Variants in GPR158 observed in about 807,000 individuals in gnomAD.
GPR158 encodes the protein G protein-coupled receptor 158, also known as metabotropic glycine receptor.
In GPR158, 30 loss-of-function variants were observed where a neutral mutation model predicts 78.2. That is an observed-to-expected ratio of 0.38 (90% confidence interval 0.29 to 0.52). The LOEUF (loss-of-function observed/expected upper bound fraction) is 0.52, where lower values mean the gene tolerates loss of function less well. Ranked by LOEUF, GPR158 falls within the 20% of genes least tolerant of loss-of-function variation. The pLI is 0.83. For synonymous variants in GPR158, 581 were observed against 591.1 expected, an observed-to-expected ratio of 0.98 and a Z score of 0.25; for missense variants, 1,463 against 1,523.5, an observed-to-expected ratio of 0.96 and a Z score of 0.66.
chr10:25,401,802 G>C (rs908972615), intron 3 of GPR158, among the ~76,000 whole-genome samples: 14 of 152,026 alleles, frequency 9.2e-5, no homozygotes, highest in Non-Finnish European at 1.9e-4. Context: ...TTGCATGGTA[G>C]AATTATTTGT....
chr10:25,461,291 C>T (rs1384311999), intron 4 of GPR158, among the ~76,000 whole-genome samples: 1 of 152,036 alleles, frequency 6.6e-6, no homozygotes, highest in African/African-American at 2.4e-5. Context: ...TTTGTAAATG[C>T]AAAGGAAAAA....
chr10:25,269,546 A>C (rs1230485610), intron 2 of GPR158, among the ~76,000 whole-genome samples: 3 of 152,174 alleles, frequency 2.0e-5, no homozygotes, highest in Admixed American at 2.0e-4. Context: ...TTCTAGTTTT[A>C]CTTTCACTAG....
intron 5 of GPR158, among the ~76,000 whole-genome samples, chr10:25,508,697 G>A (rs903112305): frequency 5.9e-5 from 9 of 152,038 alleles, no homozygotes; most frequent in Admixed American, 4.6e-4. Flanking sequence ...AGGTCACCAG[G>A]GTCAATTGGG....
intron 4 of GPR158, among the ~76,000 whole-genome samples, chr10:25,441,996 A>G (rs1835074632): frequency 6.6e-6 from 1 of 152,142 alleles, no homozygotes; most frequent in Non-Finnish European, 1.5e-5. Context: ...GTGAAATTAA[A>G]TTCCTTGAGC....
At chr10:25,452,997 G>A (rs1835241680) in intron 4 of GPR158, among the ~76,000 whole-genome samples, 1 of 152,078 alleles carries the variant, frequency 6.6e-6, no homozygotes, top group South Asian at 2.1e-4. Flanking sequence ...TTCTCTGTCT[G>A]GCTTATTTCA....
At chr10:25,369,550 T>A (rs1347274665) in intron 2 of GPR158, among the ~76,000 whole-genome samples, 1 of 149,372 alleles carries the variant, frequency 6.7e-6, no homozygotes. Flanking sequence ...CTTTTTGATG[T>A]GCTGCTGGAT....
chr10:25,343,516 C>T (rs577595593), intron 2 of GPR158, among the ~76,000 whole-genome samples: 2 of 151,988 alleles, frequency 1.3e-5, no homozygotes, highest in South Asian at 4.2e-4. Context: ...TTGTTCTTTC[C>T]AGTTTGTTCA....
chr10:25,516,110 C>T (rs914150930), intron 5 of GPR158, among the ~76,000 whole-genome samples: 2 of 151,994 alleles, frequency 1.3e-5, no homozygotes, highest in African/African-American at 2.4e-5. Context: ...TTGCATTTCT[C>T]TGATGGCCAG....
chr10:25,269,803 G>C (rs11014478), intron 2 of GPR158, among the ~76,000 whole-genome samples: 33,241 of 152,072 alleles, frequency 0.22, 6,260 homozygotes, highest in African/African-American at 0.5. Flanking sequence ...TATATTGTCA[G>C]CAATGCAGTG....
chr10:25,187,329 A>G (rs1852702867), intron 1 of GPR158, among the ~76,000 whole-genome samples: 1 of 152,176 alleles, frequency 6.6e-6, no homozygotes, highest in South Asian at 2.1e-4. Context: ...GACACAATAA[A>G]AAAAGAGAAT....
chr10:25,510,050 A>G (rs1836063326), intron 5 of GPR158, among the ~76,000 whole-genome samples: 1 of 152,176 alleles, frequency 6.6e-6, no homozygotes, highest in South Asian at 2.1e-4. Context: ...CAAAGTCCCA[A>G]TAACATCACT....
intron 2 of GPR158, among the ~76,000 whole-genome samples, chr10:25,252,422 G>GT (rs1302760601): frequency 6.6e-6 from 1 of 152,098 alleles, no homozygotes; most frequent in African/African-American, 2.4e-5. Context: ...TTTCTGTTCT[G>GT]TTTTTTCCCC....
At chr10:25,493,436 T>A (rs2130649945) in intron 5 of GPR158, among the ~76,000 whole-genome samples, 1 of 152,308 alleles carries the variant, frequency 6.6e-6, no homozygotes, top group Non-Finnish European at 1.5e-5. Flanking sequence ...CTGAAAGAGT[T>A]CTTTTTTAAA....
chr10:25,350,522 TCTTGA>T lies in GPR158; in HGVS notation c.1009-45385_1009-45381del, dbSNP rs569036429. The stretch of plus-strand genomic sequence containing the variant: ...TATTTGTGGAGCTACAACACTACTT[TCTTGA>T]CTTAGCCCCGTTGGTCAGTTTTTTC... On this transcript the variant is annotated intron_variant, in intron 2 of 10. Transcript: ENST00000376351. Among the ~76,000 whole-genome samples, 648 of 152,146 alleles carry T rather than the reference TCTTGA, an allele frequency of 4.3e-3. 7 individuals are homozygous for T. Among genetic ancestry groups the T allele is most frequent in the African/African-American group, 0.015 (615 of 41,558 alleles).
chr10:25,252,321 G>A (rs1404934837), intron 2 of GPR158, among the ~76,000 whole-genome samples: 3 of 152,156 alleles, frequency 2.0e-5, no homozygotes, highest in Non-Finnish European at 4.4e-5. Context: ...GCTCGTCAAA[G>A]TCATTCTCCA....
intron 4 of GPR158, among the ~76,000 whole-genome samples, chr10:25,452,976 A>G (rs1835241505): frequency 6.6e-6 from 1 of 152,192 alleles, no homozygotes; most frequent in Non-Finnish European, 1.5e-5. Context: ...GAGATCATGC[A>G]GTATTTGTCT....
intron 2 of GPR158, among the ~76,000 whole-genome samples, chr10:25,266,612 C>T (rs1276567982): frequency 1.3e-5 from 2 of 151,658 alleles, no homozygotes; most frequent in East Asian, 3.9e-4. Context: ...AGAAGGAAAG[C>T]TTAAAAAAGG....
chr10:25,417,220 T>C, intron 4 of GPR158, among the ~76,000 whole-genome samples: 1 of 152,208 alleles, frequency 6.6e-6, no homozygotes, highest in Non-Finnish European at 1.5e-5. Context: ...TGGCTCTATT[T>C]CTGTTAATTT....
chr10:25,317,718 T>TTTGTG (rs1312300434), intron 2 of GPR158, among the ~76,000 whole-genome samples: 1 of 138,080 alleles, frequency 7.2e-6, no homozygotes, highest in African/African-American at 3.2e-5. Flanking sequence ...CGTAAAGTGT[T>TTTGTG]TTTTTTTGTT....
Sources: allele counts gnomAD v4.1 joint callset (sites outside exome capture counted in the v4.1 genomes callset), GRCh38; gene constraint gnomAD v4.1.1; transcripts MANE v1.5; gene names NCBI Gene and HGNC (gene_info 2026-07-23, HGNC 2026-07-21).